Variants in SLC2A9 observed in about 807,000 individuals in gnomAD.
SLC2A9 encodes solute carrier family 2 member 9, also known as solute carrier family 2, facilitated glucose transporter member 9.
Under a neutral mutation model 50.6 loss-of-function variants are expected in SLC2A9, and 39 were observed. The ratio of observed to expected loss-of-function variants is 0.77; its 90% CI spans 0.60 to 1.01. SLC2A9 has a LOEUF of 1.01. SLC2A9 is among the 50% of genes least tolerant of loss of function. The pLI, the probability that SLC2A9 is intolerant of heterozygous loss-of-function variation, is 0.00. For synonymous variants in SLC2A9, 324 were observed against 276.9 expected (o/e 1.17, Z -1.69); for missense variants, 686 against 677.6 (o/e 1.01, Z -0.14).
intron 3 of SLC2A9, among the ~76,000 whole-genome samples, chr4:9,812,543 T>C (rs966270700): frequency 7.9e-5 from 12 of 152,104 alleles, no homozygotes; most frequent in Middle Eastern, 3.4e-3. Flanking sequence ...CTTTCTAACA[T>C]ACCTGCTCTC....
intron 3 of SLC2A9, among the ~76,000 whole-genome samples, chr4:9,818,032 G>A (rs1012709823): frequency 6.6e-6 from 1 of 152,212 alleles, no homozygotes; most frequent in Non-Finnish European, 1.5e-5. Flanking sequence ...TTCCCAAACT[G>A]TAAGACAAAT....
chr4:10,023,735 C>G (rs1056988431), upstream of SLC2A9, among the ~76,000 whole-genome samples: 4 of 152,210 alleles, frequency 2.6e-5, no homozygotes, highest in Non-Finnish European at 5.9e-5. Flanking sequence ...GTGCACAGGG[C>G]TTTCCCAAGT....
At chr4:10,021,618 A>G (rs1409299724), upstream of SLC2A9, 8 of 811,318 alleles carry the variant, frequency 9.9e-6, no homozygotes, top group Non-Finnish European at 1.6e-5. Context: ...TATTACAGCA[A>G]TGAAACAGTC....
intron 2 of SLC2A9, among the ~76,000 whole-genome samples, chr4:10,002,799 G>A (rs1760076073): frequency 6.6e-6 from 1 of 152,190 alleles, no homozygotes; most frequent in South Asian, 2.1e-4. Flanking sequence ...GTTGCAGGGA[G>A]CCAAGATTGC....
At chr4:10,027,734 A>G (rs1763802487) in intron 1 of SLC2A9, among the ~76,000 whole-genome samples, 1 of 151,718 alleles carries the variant, frequency 6.6e-6, no homozygotes, top group Non-Finnish European at 1.5e-5. Context: ...TTTTATTGAT[A>G]CATATTAGAT....
In SLC2A9 at chr4:9,847,988, G is replaced by A. The variant is rs1044762405; in HGVS notation, c.1292-12980C>T. 2.6e-5 allele frequency among the ~76,000 whole-genome samples: 4 copies of A among 152,258 alleles called. No individual in the cohort carries two copies. In the East Asian group the frequency reaches 5.8e-4, roughly 22 times the overall value. On this transcript the variant is annotated intron_variant, in intron 10 of 11. Transcript: ENST00000264784. ...CAGAAAATATCTTAGGGACCCCCTA[G>A]GCCAGCCCCAACCCAATATTTCAGG...
intron 7 of SLC2A9, among the ~76,000 whole-genome samples, chr4:9,916,011 T>C (rs1742790215): frequency 6.6e-6 from 1 of 152,172 alleles, no homozygotes; most frequent in African/African-American, 2.4e-5. Flanking sequence ...AGTACCACAG[T>C]TTTCTGTAAA....
intron 7 of SLC2A9, among the ~76,000 whole-genome samples, chr4:9,916,972 G>A (rs543598512): frequency 3.9e-5 from 6 of 152,310 alleles, no homozygotes; most frequent in Non-Finnish European, 8.8e-5. Context: ...CTCCCAGGAT[G>A]GAGACCCACT....
chr4:9,962,693 C>A (rs866643811), intron 5 of SLC2A9, among the ~76,000 whole-genome samples: 2 of 152,076 alleles, frequency 1.3e-5, no homozygotes, highest in African/African-American at 4.8e-5. Flanking sequence ...AACCTGCACA[C>A]CCTGCGCATA....
chr4:9,882,348 T>C lies in SLC2A9; in HGVS notation c.1291+5219A>G, dbSNP rs145747313. Among the ~76,000 whole-genome samples the C allele has an allele frequency of 5.4e-4, 82 of 152,256 alleles. 1 individual carries two copies. In the East Asian group the frequency reaches 0.016, roughly 29 times the overall value. ...AATGGGCATAATTCCACTCAATCTT[T>C]AGCAAAGAGCTGAGGTTCTAGGACA... On this transcript the variant is annotated intron_variant, in intron 10 of 11. Transcript: ENST00000264784.
chr4:9,811,270 G>C (rs1488213243), intron 3 of SLC2A9, among the ~76,000 whole-genome samples: 1 of 152,210 alleles, frequency 6.6e-6, no homozygotes, highest in East Asian at 1.9e-4. Flanking sequence ...TTTGGGATGT[G>C]ACTTTGGGGG....
intron 10 of SLC2A9, among the ~76,000 whole-genome samples, chr4:9,844,319 C>A (rs75620494): frequency 0.028 from 4,208 of 152,030 alleles, 70 homozygotes; most frequent in Middle Eastern, 0.041. Flanking sequence ...TCCCTTCTTG[C>A]CAGGAAAATA....
At chr4:9,959,816 T>G (rs1373035380) in intron 5 of SLC2A9, among the ~76,000 whole-genome samples, 3 of 152,228 alleles carry the variant, frequency 2.0e-5, no homozygotes, top group Non-Finnish European at 4.4e-5. Flanking sequence ...AGGCTCCATT[T>G]GCTGTGACTG....
chr4:9,973,480 T>C (rs1754253324), intron 5 of SLC2A9, among the ~76,000 whole-genome samples: 1 of 151,730 alleles, frequency 6.6e-6, no homozygotes, highest in Non-Finnish European at 1.5e-5. Flanking sequence ...CTGGCAAAGA[T>C]ACAATAAAAA....
At chr4:9,772,816 T>C (rs1329460121) in intron 1 of SLC2A9, among the ~76,000 whole-genome samples, 1 of 61,020 alleles carries the variant, frequency 1.6e-5, no homozygotes, top group East Asian at 3.4e-4. Context: ...CCATTTTATT[T>C]TTTTTTTTAT....
At chr4:9,967,741 A>G (rs962732170) in intron 5 of SLC2A9, among the ~76,000 whole-genome samples, 1 of 152,004 alleles carries the variant, frequency 6.6e-6, no homozygotes, top group African/African-American at 2.4e-5. Flanking sequence ...AAAAGAAAAT[A>G]ACTTTACATT....
chr4:9,950,033 G>A lies in SLC2A9; in HGVS notation c.682-7988C>T, dbSNP rs969000401. Reference sequence around the variant, plus strand: ...CACAGCTTTACTGAATCCTGGGGTGGGGAGCATGTGGCTGGTCGTGTTTGC... The same window carrying A: ...CACAGCTTTACTGAATCCTGGGGTGAGGAGCATGTGGCTGGTCGTGTTTGC... On this transcript the variant is annotated intron_variant, in intron 5 of 11. Transcript: ENST00000264784. Among the ~76,000 whole-genome samples, 4 of 152,104 alleles carry A rather than the reference G, an allele frequency of 2.6e-5. No homozygotes were observed. The East Asian group carries it at 7.7e-4, about 29-fold the overall frequency.
chr4:9,850,850 T>A (rs1397399637), intron 10 of SLC2A9, among the ~76,000 whole-genome samples: 1 of 152,050 alleles, frequency 6.6e-6, no homozygotes, highest in Non-Finnish European at 1.5e-5. Context: ...CCCCTACTGA[T>A]ACATGGGTAC....
chr4:9,879,808 A>G (rs1170539502), intron 10 of SLC2A9: 2 of 985,306 alleles, frequency 2.0e-6, no homozygotes, highest in Non-Finnish European at 2.4e-6. Flanking sequence ...TTCTTTTTTT[A>G]AAAGGTGAAG....
Sources: allele counts gnomAD v4.1 joint callset (sites outside exome capture counted in the v4.1 genomes callset), GRCh38; gene constraint gnomAD v4.1.1; transcripts MANE v1.5; gene names NCBI Gene and HGNC (gene_info 2026-07-23, HGNC 2026-07-21).